The following SLC38A1 variants were observed in gnomAD, a reference collection of about 807,000 sequenced individuals.
SLC38A1 encodes the protein sodium-coupled neutral amino acid symporter 1.
In SLC38A1, 18 loss-of-function variants were observed where a neutral mutation model predicts 60.3. The observed-to-expected ratio is 0.30, with a 90% CI of 0.21 to 0.44. The LOEUF (loss-of-function observed/expected upper bound fraction) is 0.44, where lower values mean the gene tolerates loss of function less well. Ranked by LOEUF, SLC38A1 falls within the 20% of genes least tolerant of loss-of-function variation. The pLI is 1.00. For synonymous variants in SLC38A1, 196 were observed against 212.1 expected (o/e 0.92, Z 0.66); for missense variants, 448 against 587.2 (o/e 0.76, Z 2.45).
intron 3 of SLC38A1, among the ~76,000 whole-genome samples, 153 bp from the exon 4 acceptor site, chr12:46,229,792 C>A (rs556141922): frequency 6.6e-6 from 1 of 152,212 alleles, no homozygotes; most frequent in East Asian, 1.9e-4. Flanking sequence ...CAACTCCCCC[C>A]ACCTTTTTTT....
intron 16 of SLC38A1, chr12:46,196,388 C>T (rs116869262): frequency 0.011 from 15,198 of 1,403,026 alleles, 103 homozygotes; most frequent in Middle Eastern, 0.025. Context: ...TTGTCTAATG[C>T]CATTTGGAAG....
rs1424478724 is a variant in SLC38A1, at chr12:46,187,019, GA to G, written c.*1950del. The G allele has an allele frequency of 6.6e-6, 1 of 152,174 alleles. No homozygotes were observed. Among genetic ancestry groups the G allele is most frequent in the Non-Finnish European group, 1.5e-5 (1 of 68,040 alleles). 9.4% of individuals were successfully genotyped at this position (152,174 alleles called of 1,614,324 possible). A position where few individuals can be genotyped will look rare whatever the true frequency, so the allele number is the denominator to read the frequency against. On this transcript the variant is annotated 3_prime_UTR_variant, in exon 17 of 17. Coordinates refer to ENST00000398637, the MANE Select transcript of SLC38A1 (RefSeq NM_030674.4). ...ATAATATGGAAAACATTGCTGAAAA[GA>G]ACAGAGATGGCCATGGATATGGCTA...
chr12:46,210,832 CCT>C (rs1329558653), intron 5 of SLC38A1, among the ~76,000 whole-genome samples: 2 of 152,168 alleles, frequency 1.3e-5, no homozygotes, highest in Non-Finnish European at 2.9e-5. Flanking sequence ...GTCTGTTAAA[CCT>C]CTTTTTCTTT....
intron 16 of SLC38A1, chr12:46,195,906 C>T: frequency 2.5e-6 from 1 of 392,862 alleles, no homozygotes; most frequent in South Asian, 2.3e-5. Flanking sequence ...CCTTGTGCTT[C>T]CTGGGTGAGG....
At position 46,260,116 on chromosome 12, in the gene SLC38A1, C is replaced by T. The variant is rs73280715; in HGVS notation, c.-209+8410G>A. Among the ~76,000 whole-genome samples, 405 of 152,264 alleles carry T rather than the reference C, an allele frequency of 2.7e-3. 1 individual carries two copies. Among genetic ancestry groups the T allele is most frequent in the African/African-American group, 9.3e-3 (386 of 41,556 alleles). On this transcript the variant is annotated intron_variant, in intron 1 of 16. Coordinates refer to ENST00000398637, the MANE Select transcript of SLC38A1 (RefSeq NM_030674.4). ...GCAGCACTTAGAACAGCGTCTGGCC[C>T]GGGTTTTGTAAATTATTGTGACCAT...
At chr12:46,201,326 C>T in intron 12 of SLC38A1, 128 bp from the exon 13 acceptor site, 1 of 721,930 alleles carries the variant, frequency 1.4e-6, no homozygotes, top group East Asian at 2.7e-5. Flanking sequence ...GCTGAAATTA[C>T]CCCTGGCAGT....
chr12:46,186,760 A>C lies in SLC38A1; in HGVS notation c.*2210T>G, dbSNP rs1938950564. On this transcript the variant is annotated 3_prime_UTR_variant, in exon 17 of 17. Transcript: ENST00000398637. Reference sequence around the variant, plus strand: ...ACATGAAACCCAGAGGCCCAAAAATATCACTACACATCCCAGTTAATGATA... The same window carrying C: ...ACATGAAACCCAGAGGCCCAAAAATCTCACTACACATCCCAGTTAATGATA... 1 of 152,268 alleles carries C rather than the reference A, an allele frequency of 6.6e-6. No homozygotes were observed. Among genetic ancestry groups the C allele is most frequent in the African/African-American group, 2.4e-5 (1 of 41,480 alleles). 9.4% of individuals were successfully genotyped at this position (152,268 alleles called of 1,614,324 possible).
intron 2 of SLC38A1, among the ~76,000 whole-genome samples, chr12:46,240,944 G>C (rs890657894): frequency 6.6e-6 from 1 of 152,088 alleles, no homozygotes; most frequent in African/African-American, 2.4e-5. Flanking sequence ...AGAATTTTGG[G>C]GGCACAGCAG....
At chr12:46,259,270 T>C (rs1942127627) in intron 1 of SLC38A1, among the ~76,000 whole-genome samples, 1 of 152,172 alleles carries the variant, frequency 6.6e-6, no homozygotes, top group Non-Finnish European at 1.5e-5. Context: ...CACTTGGGGT[T>C]CTTGGATCCT....
chr12:46,196,399 A>G, intron 16 of SLC38A1: 1 of 1,305,302 alleles, frequency 7.7e-7, no homozygotes. Flanking sequence ...CATTTGGAAG[A>G]CCCTACTACT....
At chr12:46,219,946 T>C (rs7971399) in intron 5 of SLC38A1, among the ~76,000 whole-genome samples, 129,589 of 152,222 alleles carry the variant, frequency 0.85, 55,445 homozygotes, top group African/African-American at 0.94. Context: ...CTAGCGCATG[T>C]GCGCGCACAC....
chr12:46,222,599 G>A (rs1940702816), intron 5 of SLC38A1, among the ~76,000 whole-genome samples: 1 of 152,114 alleles, frequency 6.6e-6, no homozygotes, highest in Non-Finnish European at 1.5e-5. Context: ...TTAAGTAGTA[G>A]TCTAATACTC....
intron 1 of SLC38A1, among the ~76,000 whole-genome samples, chr12:46,263,368 A>G (rs1455610755): frequency 6.6e-6 from 1 of 152,226 alleles, no homozygotes; most frequent in Non-Finnish European, 1.5e-5. Flanking sequence ...AGTGGCAGGA[A>G]TGAGCCTGGT....
At chr12:46,239,942 G>T in intron 2 of SLC38A1, 49 bp from the exon 3 acceptor site, 1 of 671,910 alleles carries the variant, frequency 1.5e-6, no homozygotes. Context: ...AAACGCTACT[G>T]ATTAAAAATA....
At chr12:46,202,766 C>T (rs1219713307) in intron 12 of SLC38A1, among the ~76,000 whole-genome samples, 3 of 152,108 alleles carry the variant, frequency 2.0e-5, no homozygotes, top group Non-Finnish European at 2.9e-5. Context: ...TGAAAAAGCC[C>T]ACATGGTTGG....
At chr12:46,206,608 A>C (rs1939915238) in intron 8 of SLC38A1, among the ~76,000 whole-genome samples, 1 of 152,180 alleles carries the variant, frequency 6.6e-6, no homozygotes, top group Admixed American at 6.5e-5. Context: ...TCCTGAGAAC[A>C]CTAGAGACTC....
chr12:46,264,331 T>A (rs1026551721), intron 1 of SLC38A1, among the ~76,000 whole-genome samples: 1 of 152,128 alleles, frequency 6.6e-6, no homozygotes, highest in African/African-American at 2.4e-5. Context: ...GGCATAAAAA[T>A]GTGAAATGAG....
At chr12:46,243,858 A>C (rs182539939) in intron 1 of SLC38A1, among the ~76,000 whole-genome samples, 1 of 152,336 alleles carries the variant, frequency 6.6e-6, no homozygotes, top group East Asian at 1.9e-4. Context: ...TACTTAAGGA[A>C]GGCATCAATT....
At position 46,185,079 on chromosome 12, in the gene SLC38A1, A is replaced by T. The variant is rs1348959181; in HGVS notation, c.*3891T>A. ...CATGAGTCCTAGGAATCATCTGGTG[A>T]GGGAGGACTAATGGGAAGTAAAAGG... is the stretch of plus-strand genomic sequence containing the variant. On this transcript the variant is annotated 3_prime_UTR_variant, in exon 17 of 17. Coordinates refer to ENST00000398637, the MANE Select transcript of SLC38A1 (RefSeq NM_030674.4). 2.0e-5 allele frequency: 3 copies of T among 152,094 alleles called. No homozygotes were observed. The highest frequency in any genetic ancestry group is 7.2e-5 in the African/African-American group (3 of 41,384). 9.4% of individuals were successfully genotyped at this position (152,094 alleles called of 1,614,324 possible).
Sources: allele counts gnomAD v4.1 joint callset (sites outside exome capture counted in the v4.1 genomes callset), GRCh38; gene constraint gnomAD v4.1.1; transcripts MANE v1.5; gene names NCBI Gene and HGNC (gene_info 2026-07-23, HGNC 2026-07-21).